WWC2: variants seen among roughly 807,000 people sequenced by gnomAD.
WWC2 encodes WW and C2 domain containing 2.
WWC2 carries 101 observed loss-of-function variants against 138.5 expected under a neutral mutation model. That is an observed-to-expected ratio of 0.73 (90% confidence interval 0.62 to 0.86). The LOEUF is 0.86. Among genes scored for constraint, WWC2 ranks in the 40% least tolerant of loss-of-function variants. WWC2 has a pLI of 0.00. For missense variants in WWC2, 1,420 were observed against 1,419.4 expected (o/e 1.00, Z -0.01); for synonymous variants, 558 against 538.4 (o/e 1.04, Z -0.50).
rs768011734 is a variant in WWC2 at position 183,280,738 on chromosome 4, T to C, written c.2563-38T>C. On this transcript the variant is annotated intron_variant, in intron 16 of 22. Coordinates refer to ENST00000403733, the MANE Select transcript of WWC2 (RefSeq NM_024949.6). The stretch of plus-strand genomic sequence containing the variant: ...TGAGTTTTTAAGTCATTTTTTCAAG[T>C]ATATTATGTTAATTGCCGTATGCTT... 4.5e-6 allele frequency: 7 copies of C among 1,562,110 alleles called. No individual in the cohort carries two copies. The African/African-American group carries it at 8.2e-5, about 18-fold the overall frequency.
Position 183,315,997 on chromosome 4 carries a change from C to T in WWC2, c.*268C>T. Reference sequence around the variant, plus strand: ...ATGTTGCCCAGTATGTGCGCATTGCCAGTGGACTTCATTTTGTAAAAATGG... The same window carrying T: ...ATGTTGCCCAGTATGTGCGCATTGCTAGTGGACTTCATTTTGTAAAAATGG... On this transcript the variant is annotated 3_prime_UTR_variant, in exon 23 of 23. Coordinates refer to ENST00000403733, the MANE Select transcript of WWC2 (RefSeq NM_024949.6). The T allele has an allele frequency of 3.1e-6, 1 of 318,488 alleles. No homozygotes were observed. The highest frequency in any genetic ancestry group is 7.0e-5 in the East Asian group (1 of 14,224). The allele number at this position is 318,488 out of a possible 1,614,324, so 19.7% of individuals were successfully genotyped here.
At chr4:183,189,724 G>T (rs1734939143) in intron 1 of WWC2, among the ~76,000 whole-genome samples, 1 of 152,200 alleles carries the variant, frequency 6.6e-6, no homozygotes, top group East Asian at 1.9e-4. Context: ...GACTTTTAAT[G>T]TGTGTGCTAA....
intron 2 of WWC2, among the ~76,000 whole-genome samples, chr4:183,204,983 C>T (rs969589408): frequency 2.0e-5 from 3 of 152,038 alleles, no homozygotes. Context: ...ATGGATATAC[C>T]ACAGTTTGCT....
rs746059335 is a variant in WWC2 at position 183,317,565 on chromosome 4, A to G, written c.*1836A>G. The G allele has an allele frequency of 3.8e-4, 58 of 152,636 alleles. No homozygotes were observed. The highest frequency in any genetic ancestry group is 1.0e-4 in the Non-Finnish European group (7 of 68,024). The allele number at this position is 152,636 out of a possible 1,614,324, so 9.5% of individuals were successfully genotyped here. A position where few individuals can be genotyped will look rare whatever the true frequency, so the allele number is the denominator to read the frequency against. On this transcript the variant is annotated 3_prime_UTR_variant, in exon 23 of 23. Coordinates refer to ENST00000403733, the MANE Select transcript of WWC2 (RefSeq NM_024949.6). ...TTTAATGTAGAGGTAAATGAAGGTG[A>G]GCTGTTTTCAGCATCTTAGTTTGAC...
chr4:183,292,715 A>G (rs999636061), intron 21 of WWC2, among the ~76,000 whole-genome samples: 20 of 152,154 alleles, frequency 1.3e-4, no homozygotes, highest in African/African-American at 4.8e-4. Flanking sequence ...AATTACCTCA[A>G]TTTTATACAA....
intron 16 of WWC2, among the ~76,000 whole-genome samples, chr4:183,275,722 C>T (rs992861611): frequency 1.5e-4 from 23 of 152,142 alleles, no homozygotes; most frequent in African/African-American, 4.6e-4. Context: ...TCAGGATTTT[C>T]GTGTCTGTAT....
In WWC2 at chr4:183,269,146, C is replaced by G; in HGVS notation, c.2383C>G (p.Arg795Gly). The G allele has an allele frequency of 6.2e-7, 1 of 1,609,462 alleles. No homozygotes were observed. The highest frequency in any genetic ancestry group is 8.5e-7 in the Non-Finnish European group (1 of 1,178,804). Residue 795 changes from arginine (R) to glycine (G), a missense_variant, in exon 15 of 23, where the codon CGA becomes GGA. Physicochemically the swap from Arg to Gly is moderately radical, Grantham distance 125. Transcript: ENST00000403733. ...AGACCTTTGCTCTGTCAGTAAACAC[C>G]GAAGGGAAGAATGCCTGGTAGGATT... is the stretch of plus-strand genomic sequence containing the variant. ...RVDLCSVSKH[R>G]REECLAGTQI...
Position 183,099,339 on chromosome 4 carries a change from G to C in WWC2, c.-153G>C, listed in dbSNP as rs969945840. ...AACAGCGTTTCCTGAGGCACCTCCC[G>C]CGCGTGGTTCCGCCGCGCCCCGCGC... On this transcript the variant is annotated 5_prime_UTR_variant, in exon 1 of 23. Transcript: ENST00000403733. 9 of 710,924 alleles carry C rather than the reference G, an allele frequency of 1.3e-5. No homozygotes were observed. The highest frequency in any genetic ancestry group is 9.5e-5 in the African/African-American group (5 of 52,398). 44.0% of individuals were successfully genotyped at this position (710,924 alleles called of 1,614,324 possible). A position where few individuals can be genotyped will look rare whatever the true frequency, so the allele number is the denominator to read the frequency against.
chr4:183,218,454 C>T (rs556456052), intron 4 of WWC2, among the ~76,000 whole-genome samples: 2 of 152,062 alleles, frequency 1.3e-5, no homozygotes, highest in African/African-American at 4.8e-5. Flanking sequence ...TGGAATTGTT[C>T]GATCACAAGG....
chr4:183,272,396 TA>T (rs1273508089), intron 16 of WWC2, among the ~76,000 whole-genome samples: 1 of 152,234 alleles, frequency 6.6e-6, no homozygotes, highest in Non-Finnish European at 1.5e-5. Flanking sequence ...TGTAAGTTCT[TA>T]AAAATAGCTT....
chr4:183,281,064 G>T, intron 17 of WWC2, 167 bp downstream of exon 17: 1 of 978,444 alleles, frequency 1.0e-6, no homozygotes. Context: ...GAGAGTTAAG[G>T]AAGTAATGGC....
At chr4:183,132,382 T>G (rs1283039691) in intron 1 of WWC2, among the ~76,000 whole-genome samples, 1 of 152,162 alleles carries the variant, frequency 6.6e-6, no homozygotes, top group Non-Finnish European at 1.5e-5. Flanking sequence ...GAAGTTCCCT[T>G]CTGTTCCTAG....
At chr4:183,246,025 G>A (rs1736769317) in intron 6 of WWC2, among the ~76,000 whole-genome samples, 2 of 152,190 alleles carry the variant, frequency 1.3e-5, no homozygotes, top group African/African-American at 4.8e-5. Flanking sequence ...TAAGGGTGGG[G>A]CGGGGAGTGC....
At chr4:183,291,576 T>G (rs1738451558) in intron 21 of WWC2, among the ~76,000 whole-genome samples, 1 of 152,214 alleles carries the variant, frequency 6.6e-6, no homozygotes, top group Admixed American at 6.5e-5. Context: ...CTTCCAAAGC[T>G]GAATTGGAGT....
At chr4:183,285,859 C>T in intron 19 of WWC2, 108 bp from the exon 20 acceptor site, 1 of 1,000,246 alleles carries the variant, frequency 1.0e-6, no homozygotes, top group Non-Finnish European at 1.5e-6. Context: ...AAGAAATAAA[C>T]TCTTAACTAT....
At chr4:183,134,569 G>C (rs528239174) in intron 1 of WWC2, among the ~76,000 whole-genome samples, 85 of 152,218 alleles carry the variant, frequency 5.6e-4, no homozygotes, top group African/African-American at 2.0e-3. Flanking sequence ...ATATGCATCA[G>C]ATCACACTTG....
intron 1 of WWC2, among the ~76,000 whole-genome samples, chr4:183,174,778 T>C (rs1428769736): frequency 6.6e-6 from 1 of 152,018 alleles, no homozygotes; most frequent in Non-Finnish European, 1.5e-5. Context: ...TTTCCTCCTC[T>C]CCTCCTTCTC....
intron 19 of WWC2, among the ~76,000 whole-genome samples, chr4:183,285,508 C>T (rs2111066558): frequency 6.6e-6 from 1 of 152,274 alleles, no homozygotes; most frequent in African/African-American, 2.4e-5. Context: ...TGACTGTAAT[C>T]CCAACACTTT....
In WWC2 at chr4:183,099,343, G is replaced by A; in HGVS notation, c.-149G>A. On this transcript the variant is annotated 5_prime_UTR_variant, in exon 1 of 23. In the 5' UTR this introduces an upstream ATG that the reference lacks. Transcript: ENST00000403733. ...GCGTTTCCTGAGGCACCTCCCGCGC[G>A]TGGTTCCGCCGCGCCCCGCGCCCTG... 1 of 755,302 alleles carries A rather than the reference G, an allele frequency of 1.3e-6. No individual in the cohort carries two copies. Among genetic ancestry groups the A allele is most frequent in the Non-Finnish European group, 1.7e-6 (1 of 582,680 alleles). 46.8% of individuals were successfully genotyped at this position (755,302 alleles called of 1,614,324 possible).
Sources: gnomAD v4.1 joint callset for allele counts (sites outside exome capture counted in the v4.1 genomes callset) on GRCh38, gnomAD v4.1.1 for gene constraint, MANE v1.5 for transcripts, NCBI Gene and HGNC (gene_info 2026-07-23, HGNC 2026-07-21) for gene names.